Variants in MRPL50 observed in about 807,000 individuals in gnomAD.
The protein encoded by MRPL50 is mitochondrial ribosomal protein L50, also known as large ribosomal subunit protein mL50.
Under a neutral mutation model 16.2 loss-of-function variants are expected in MRPL50, and 10 were observed. The ratio of observed to expected loss-of-function variants is 0.62; its 90% confidence interval spans 0.38 to 1.05. The LOEUF is 1.05. Among genes scored for constraint, MRPL50 ranks in the 50% least tolerant of loss-of-function variants. The pLI is 0.01. For synonymous variants in MRPL50, 68 were observed against 66.8 expected (o/e 1.02, Z -0.09); for missense variants, 213 against 187.1 (o/e 1.14, Z -0.81).
intron 1 of MRPL50, among the ~76,000 whole-genome samples, chr9:101,391,432 C>T (rs1036591496): frequency 1.3e-5 from 2 of 152,058 alleles, no homozygotes; most frequent in African/African-American, 2.4e-5. Flanking sequence ...GAGTGTATCA[C>T]ATCCTACCTG....
In MRPL50 at chr9:101,390,605, G is replaced by A; in HGVS notation, c.338C>T (p.Pro113Leu). Reference sequence around the variant, plus strand: ...GCACATCTGGTGGAGTCTGGAGTTAGGGACTACATGACCCAAGTCATCAGC... The same window carrying A: ...GCACATCTGGTGGAGTCTGGAGTTAAGGACTACATGACCCAAGTCATCAGC... ...HLADDLGHVV[P>L]NSRLHQMCRV... Residue 113 changes from proline (P) to leucine (L), a missense_variant, in exon 2 of 2, where the codon CCT (proline) becomes CTT (leucine). Pro to Leu is a moderately conservative substitution (Grantham distance 98, BLOSUM62 -3). Transcript: ENST00000374865. 2 of 1,613,524 alleles carry A rather than the reference G, an allele frequency of 1.2e-6. No homozygotes were observed. The highest frequency in any genetic ancestry group is 2.7e-5 in the African/African-American group (2 of 75,008).
rs1407084264 is a variant in MRPL50, at chr9:101,398,583, G to A, written c.10C>T (p.Arg4Ter). The part of the protein sequence containing the change: MAA[R>*]SVSGITRRVF... Reference sequence around the variant, plus strand: ...CTTCTGGTAATGCCCGACACAGATCGCGCCGCCATCTTCGATGAGATCCAC... The same window carrying A: ...CTTCTGGTAATGCCCGACACAGATCACGCCGCCATCTTCGATGAGATCCAC... The change falls in exon 1 of 2, where the codon CGA (arginine) becomes TGA (stop). Residue 4 changes from arginine to a stop codon, truncating the protein, a stop_gained. Coordinates refer to ENST00000374865, the MANE Select transcript of MRPL50 (RefSeq NM_019051.3). LOFTEE classifies it high-confidence loss of function. 3.7e-6 allele frequency: 6 copies of A among 1,613,572 alleles called. No individual in the cohort carries two copies. Among genetic ancestry groups the A allele is most frequent in the South Asian group, 1.1e-5 (1 of 91,086 alleles).
rs1388396012 is a variant in MRPL50 at position 101,398,534 on chromosome 9, C to T, written c.59G>A (p.Gly20Glu). The change falls in exon 1 of 2, where the codon GGG becomes GAG. Residue 20 changes from glycine to glutamate, a missense_variant. Gly to Glu is a moderately conservative substitution (Grantham distance 98, BLOSUM62 -2). Transcript: ENST00000374865. The stretch of plus-strand genomic sequence containing the variant: ...AGACCAAAATTCTCTACATGGTGTC[C>T]CTGAGACTGTCCACATGAAGACTCT... The part of the protein sequence containing the change: ...TRRVFMWTVS[G>E]TPCREFWSRF... 4 of 1,613,942 alleles carry T rather than the reference C, an allele frequency of 2.5e-6. No individual in the cohort carries two copies. In the African/African-American group the frequency reaches 5.3e-5, roughly 22 times the overall value.
intron 1 of MRPL50, among the ~76,000 whole-genome samples, chr9:101,395,942 G>T (rs1463661700): frequency 6.6e-6 from 1 of 152,176 alleles, no homozygotes; most frequent in Non-Finnish European, 1.5e-5. Context: ...TAGAAGTGAA[G>T]ATTTAGAATG....
chr9:101,390,956 TG>T, intron 1 of MRPL50, 106 bp from the exon 2 acceptor site: 2 of 1,223,542 alleles, frequency 1.6e-6, no homozygotes, highest in Non-Finnish European at 1.1e-6. Flanking sequence ...TGATTACCAC[TG>T]GGGACTACTG....
At chr9:101,397,700 A>G (rs1024729427) in intron 1 of MRPL50, among the ~76,000 whole-genome samples, 7 of 152,250 alleles carry the variant, frequency 4.6e-5, no homozygotes, top group Non-Finnish European at 8.8e-5. Flanking sequence ...GGGAAAGCTA[A>G]TATCTGAACT....
At position 101,389,923 on chromosome 9, in the gene MRPL50, A is replaced by G; in HGVS notation, c.*543T>C. The G allele has an allele frequency of 1.2e-6, 1 of 800,354 alleles. No homozygotes were observed. Among genetic ancestry groups the G allele is most frequent in the South Asian group, 5.7e-5 (1 of 17,580 alleles). 49.6% of individuals were successfully genotyped at this position (800,354 alleles called of 1,614,324 possible). ...ACTTACTGGAAAGAAATGGCAAGGC[A>G]GAGCGCAAGCAAATTTCACTTAAAA... On this transcript the variant is annotated 3_prime_UTR_variant, in exon 2 of 2. Transcript: ENST00000374865.
Position 101,395,713 on chromosome 9 carries a change from A to G in MRPL50, c.92+2788T>C, listed in dbSNP as rs559274228. 1.3e-3 allele frequency among the ~76,000 whole-genome samples: 194 copies of G among 152,232 alleles called. 1 individual carries two copies. The highest frequency in any genetic ancestry group is 1.9e-3 in the Non-Finnish European group (129 of 68,004). On this transcript the variant is annotated intron_variant, in intron 1 of 1. Coordinates refer to ENST00000374865, the MANE Select transcript of MRPL50 (RefSeq NM_019051.3). ...CGCTCCTATGTGTGAACCAAAAAAA[A>G]AAAAAAGACCTCATGGAGGTAGTAA...
rs751366220 is a variant in MRPL50 at position 101,389,472 on chromosome 9, C to T, written c.*994G>A. ...TATATTCCCAACTGAATTTTGCCCT[C>T]TTCAAAGGAGTAACCCTGGGAAAGA... is the stretch of plus-strand genomic sequence containing the variant. On this transcript the variant is annotated 3_prime_UTR_variant, in exon 2 of 2. Coordinates refer to ENST00000374865, the MANE Select transcript of MRPL50 (RefSeq NM_019051.3). The T allele has an allele frequency of 1.2e-5, 16 of 1,287,360 alleles. No individual in the cohort carries two copies. In the South Asian group the frequency reaches 1.9e-4, roughly 15 times the overall value. The allele number at this position is 1,287,360 out of a possible 1,614,324, so 79.7% of individuals were successfully genotyped here. A position where few individuals can be genotyped will look rare whatever the true frequency, so the allele number is the denominator to read the frequency against.
At chr9:101,392,431 C>G (rs551866308) in intron 1 of MRPL50, among the ~76,000 whole-genome samples, 1 of 151,776 alleles carries the variant, frequency 6.6e-6, no homozygotes, top group East Asian at 1.9e-4. Context: ...GACACAAATA[C>G]ATAAAATCAG....
chr9:101,388,874 A>G lies in MRPL50; in HGVS notation c.*1592T>C, dbSNP rs1417133762. On this transcript the variant is annotated 3_prime_UTR_variant, in exon 2 of 2. Transcript: ENST00000374865. ...TCCCTAATCAGCATAACAACTATTT[A>G]CATAGCTATTTACATTGTATTCACT... is the stretch of plus-strand genomic sequence containing the variant. The G allele has an allele frequency of 1.3e-5, 2 of 152,150 alleles. No individual in the cohort carries two copies. The highest frequency in any genetic ancestry group is 4.8e-5 in the African/African-American group (2 of 41,430). The allele number at this position is 152,150 out of a possible 1,614,324, so 9.4% of individuals were successfully genotyped here.
At chr9:101,397,493 G>C (rs569301253) in intron 1 of MRPL50, among the ~76,000 whole-genome samples, 1 of 152,044 alleles carries the variant, frequency 6.6e-6, no homozygotes, top group East Asian at 1.9e-4. Context: ...TTACACATTT[G>C]TTCATTTCTT....
intron 1 of MRPL50, among the ~76,000 whole-genome samples, chr9:101,392,415 A>C (rs750661431): frequency 9.2e-5 from 14 of 151,978 alleles, no homozygotes; most frequent in Non-Finnish European, 1.8e-4. Context: ...TAAAAAAAAC[A>C]GAGAAGACAC....
chr9:101,398,537 G>GA lies in MRPL50; in HGVS notation c.55dup (p.Ser19PhefsTer6). ...CCAAAATTCTCTACATGGTGTCCCT[G>GA]AGACTGTCCACATGAAGACTCTTCT... On this transcript the variant is annotated frameshift_variant, in exon 1 of 2. Transcript: ENST00000374865. LOFTEE classifies it high-confidence loss of function. 1 of 1,614,074 alleles carries GA rather than the reference G, an allele frequency of 6.2e-7. No individual in the cohort carries two copies. The highest frequency in any genetic ancestry group is 8.5e-7 in the Non-Finnish European group (1 of 1,180,022).
chr9:101,389,944 TAAA>T lies in MRPL50; in HGVS notation c.*519_*521del. The T allele has an allele frequency of 1.1e-6, 1 of 888,458 alleles. No homozygotes were observed. The highest frequency in any genetic ancestry group is 1.3e-6 in the Non-Finnish European group (1 of 741,484). The allele number at this position is 888,458 out of a possible 1,614,324, so 55.0% of individuals were successfully genotyped here. On this transcript the variant is annotated 3_prime_UTR_variant, in exon 2 of 2. Coordinates refer to ENST00000374865, the MANE Select transcript of MRPL50 (RefSeq NM_019051.3). Reference sequence around the variant, plus strand: ...AGGCAGAGCGCAAGCAAATTTCACTTAAAAAATTTACAACACACAATACACTTT... The same window carrying T: ...AGGCAGAGCGCAAGCAAATTTCACTTAAATTTACAACACACAATACACTTT...
chr9:101,394,793 CA>C (rs1337646285), intron 1 of MRPL50, among the ~76,000 whole-genome samples: 1 of 151,722 alleles, frequency 6.6e-6, no homozygotes, highest in Non-Finnish European at 1.5e-5. Context: ...CAAAAATAGA[CA>C]AATGGGATTA....
intron 1 of MRPL50, among the ~76,000 whole-genome samples, chr9:101,391,215 C>T (rs1182088792): frequency 2.0e-5 from 3 of 152,066 alleles, no homozygotes; most frequent in Non-Finnish European, 4.4e-5. Context: ...TATCCTGTGT[C>T]CCAAGCACAC....
At chr9:101,396,585 T>C (rs976741148) in intron 1 of MRPL50, among the ~76,000 whole-genome samples, 3 of 152,170 alleles carry the variant, frequency 2.0e-5, no homozygotes, top group Non-Finnish European at 2.9e-5. Context: ...CTGGAAAATA[T>C]TATGCTAAGA....
Position 101,389,628 on chromosome 9 carries a change from A to C in MRPL50, c.*838T>G. 1 of 443,530 alleles carries C rather than the reference A, an allele frequency of 2.3e-6. No individual in the cohort carries two copies. The highest frequency in any genetic ancestry group is 2.6e-5 in the South Asian group (1 of 38,644). The allele number at this position is 443,530 out of a possible 1,614,324, so 27.5% of individuals were successfully genotyped here. ...GCCATATCTAAAGCTTGAAAAAAAA[A>C]TCCCAAATTTAACACCTTTGTCATT... is the stretch of plus-strand genomic sequence containing the variant. On this transcript the variant is annotated 3_prime_UTR_variant, in exon 2 of 2. Coordinates refer to ENST00000374865, the MANE Select transcript of MRPL50 (RefSeq NM_019051.3).
Sources: allele counts gnomAD v4.1 joint callset (sites outside exome capture counted in the v4.1 genomes callset), GRCh38; gene constraint gnomAD v4.1.1; transcripts MANE v1.5; gene names NCBI Gene and HGNC (gene_info 2026-07-23, HGNC 2026-07-21).